Variants in NCAPH observed in about 807,000 individuals in gnomAD.
NCAPH encodes the protein condensin complex subunit 2.
In NCAPH, 38 loss-of-function variants were observed where a neutral mutation model predicts 85.5. That is an observed-to-expected ratio of 0.44 (90% CI 0.34 to 0.58). The LOEUF (loss-of-function observed/expected upper bound fraction) is 0.58, where lower values mean the gene tolerates loss of function less well. NCAPH is among the 20% of genes least tolerant of loss of function. The pLI, the probability that NCAPH is intolerant of heterozygous loss-of-function variation, is 0.01. For missense variants in NCAPH, 789 were observed against 916.6 expected (o/e 0.86, Z 1.80); for synonymous variants, 301 against 335.1 (o/e 0.90, Z 1.11).
rs1213775951 is a variant in NCAPH, at chr2:96,374,971, GGAA to G, written c.*1623_*1625del. On this transcript the variant is annotated 3_prime_UTR_variant, in exon 18 of 18. Transcript: ENST00000240423. ...ACCTGTAAATCCTAGCGCTTTGAAA[GGAA>G]GAGGCAGGAGGATTGCTTGAAGTCA... is the stretch of plus-strand genomic sequence containing the variant. Among the ~76,000 whole-genome samples, 9 of 152,270 alleles carry G rather than the reference GGAA, an allele frequency of 5.9e-5. No individual in the cohort carries two copies. In the East Asian group the frequency reaches 1.7e-3, roughly 29 times the overall value.
At chr2:96,348,831 G>A (rs1336250722) in intron 6 of NCAPH, among the ~76,000 whole-genome samples, 2 of 151,874 alleles carry the variant, frequency 1.3e-5, no homozygotes, top group Non-Finnish European at 2.9e-5. Flanking sequence ...TGTATTTTTA[G>A]TAGAGATGGG....
intron 6 of NCAPH, among the ~76,000 whole-genome samples, chr2:96,350,597 A>G (rs560073967): frequency 1.3e-5 from 2 of 152,260 alleles, no homozygotes; most frequent in South Asian, 4.1e-4. Flanking sequence ...GAGGAAACCG[A>G]CTTGGACGTG....
rs1384712648 is a variant in NCAPH at position 96,364,585 on chromosome 2, A to T, written c.1692A>T (p.Gly564=). The change falls in exon 13 of 18, where the codon GGA becomes GGT. Residue 564 remains glycine (G), a synonymous_variant. Transcript: ENST00000240423. The stretch of plus-strand genomic sequence containing the variant: ...ACGACACCTCCAACTTTTGCCCTGG[A>T]TTACAGGTAAAGGGGGGAAAGGGGC... ...NPNDTSNFCP[G]LQAADSDDED... The T allele has an allele frequency of 6.2e-7, 1 of 1,605,460 alleles. No homozygotes were observed. Among genetic ancestry groups the T allele is most frequent in the Non-Finnish European group, 8.5e-7 (1 of 1,172,180 alleles).
intron 8 of NCAPH, 57 bp from the exon 9 acceptor site, chr2:96,354,126 G>A (rs1304752119): frequency 6.6e-7 from 1 of 1,522,096 alleles, no homozygotes; most frequent in East Asian, 2.3e-5. Context: ...TCCCTCCAGT[G>A]GTGATTTGGG....
chr2:96,368,865 T>C, intron 15 of NCAPH, 107 bp from the exon 16 acceptor site: 1 of 946,884 alleles, frequency 1.1e-6, no homozygotes. Context: ...GAAATTTGTT[T>C]TCATTTTGTT....
At chr2:96,342,264 C>T (rs879667871) in intron 3 of NCAPH, 124 bp downstream of exon 3, 8 of 957,446 alleles carry the variant, frequency 8.4e-6, no homozygotes, top group African/African-American at 4.9e-5. Context: ...CATCTTAGTG[C>T]TGGTGGTTTT....
intron 15 of NCAPH, 119 bp from the exon 16 acceptor site, chr2:96,368,853 A>G: frequency 1.2e-6 from 1 of 832,310 alleles, no homozygotes; most frequent in Non-Finnish European, 1.8e-6. Flanking sequence ...CAAAATAACT[A>G]AGAAATTTGT....
At chr2:96,340,397 T>C (rs1314457837) in intron 1 of NCAPH, among the ~76,000 whole-genome samples, 2 of 148,772 alleles carry the variant, frequency 1.3e-5, no homozygotes, top group Non-Finnish European at 3.0e-5. Flanking sequence ...TTTTTTTTTT[T>C]TTTTTTTTTT....
At chr2:96,351,788 C>A in intron 6 of NCAPH, 43 bp from the exon 7 acceptor site, 1 of 1,512,348 alleles carries the variant, frequency 6.6e-7, no homozygotes, top group South Asian at 1.3e-5. Flanking sequence ...TTTCCCTTGG[C>A]TACATGCCGT....
chr2:96,344,140 G>A lies in NCAPH; in HGVS notation c.631G>A (p.Ala211Thr). Residue 211 changes from alanine to threonine, a missense_variant, in exon 6 of 18, where the codon GCT becomes ACT. Ala to Thr is a moderately conservative substitution (Grantham distance 58, BLOSUM62 0). Transcript: ENST00000240423. ...SATEMGTTKK[A>T]VKPKKKHLHR... The stretch of plus-strand genomic sequence containing the variant: ...TACTGAAATGGGAACAACCAAAAAG[G>A]CTGTAAAGCCAAAGAAGAAGCACTT... The A allele has an allele frequency of 6.2e-7, 1 of 1,613,560 alleles. No homozygotes were observed. The highest frequency in any genetic ancestry group is 2.2e-5 in the East Asian group (1 of 44,848).
At chr2:96,369,853 A>G (rs946174662) in intron 17 of NCAPH, among the ~76,000 whole-genome samples, 1 of 152,234 alleles carries the variant, frequency 6.6e-6, no homozygotes, top group African/African-American at 2.4e-5. Context: ...CATATGGGAG[A>G]CATGGCAGAG....
chr2:96,373,063 CAG>C (rs2064794699), intron 17 of NCAPH, among the ~76,000 whole-genome samples: 1 of 152,092 alleles, frequency 6.6e-6, no homozygotes, highest in Non-Finnish European at 1.5e-5. Flanking sequence ...TTGCAGGAAT[CAG>C]AGCCAGAGAA....
intron 1 of NCAPH, among the ~76,000 whole-genome samples, chr2:96,340,009 G>A (rs1009941465): frequency 6.6e-6 from 1 of 152,016 alleles, no homozygotes; most frequent in Non-Finnish European, 1.5e-5. Context: ...TACAGCCTCC[G>A]TCTCCCGGGT....
At chr2:96,341,270 T>A (rs2064291009) in intron 1 of NCAPH, 1 of 187,438 alleles carries the variant, frequency 5.3e-6, no homozygotes, top group Non-Finnish European at 1.1e-5. Context: ...TACCTCACCC[T>A]TGTCTCAGCA....
chr2:96,357,052 T>G (rs2064534238), intron 9 of NCAPH, among the ~76,000 whole-genome samples: 4 of 152,204 alleles, frequency 2.6e-5, no homozygotes, highest in Admixed American at 2.6e-4. Flanking sequence ...CCTTCTGTAG[T>G]ACCAGCATGC....
At position 96,374,595 on chromosome 2, in the gene NCAPH, C is replaced by T. The variant is rs1219664105; in HGVS notation, c.*1244C>T. ...AATAACTTCCTTCTTAGCCAAAAACCACACAAAACAAAAATAATCCCCTCC... is the reference window on the plus strand; with the variant it reads ...AATAACTTCCTTCTTAGCCAAAAACTACACAAAACAAAAATAATCCCCTCC... On this transcript the variant is annotated 3_prime_UTR_variant, in exon 18 of 18. Coordinates refer to ENST00000240423, the MANE Select transcript of NCAPH (RefSeq NM_015341.5). Among the ~76,000 whole-genome samples the T allele has an allele frequency of 6.6e-6, 1 of 152,094 alleles. No individual in the cohort carries two copies. The highest frequency in any genetic ancestry group is 2.4e-5 in the African/African-American group (1 of 41,398).
At chr2:96,355,715 C>T (rs1048374450) in intron 9 of NCAPH, among the ~76,000 whole-genome samples, 5 of 151,158 alleles carry the variant, frequency 3.3e-5, no homozygotes, top group African/African-American at 1.2e-4. Context: ...GATCTCTGCT[C>T]ACTGCAAGCT....
At chr2:96,336,361 A>G (rs1030604016) in intron 1 of NCAPH, among the ~76,000 whole-genome samples, 15 of 152,220 alleles carry the variant, frequency 9.9e-5, no homozygotes, top group African/African-American at 3.6e-4. Flanking sequence ...AGTAAACAAA[A>G]GAAATAATTA....
Position 96,338,794 on chromosome 2 carries a change from G to A in NCAPH, c.20-2848G>A, listed in dbSNP as rs1222774406. Among the ~76,000 whole-genome samples the A allele has an allele frequency of 7.9e-5, 12 of 152,272 alleles. No homozygotes were observed. The South Asian group carries it at 1.2e-3, about 16-fold the overall frequency. On this transcript the variant is annotated intron_variant, in intron 1 of 17. Coordinates refer to ENST00000240423, the MANE Select transcript of NCAPH (RefSeq NM_015341.5). ...CACAGCTGCAAGAGAACACATAAACGTGTGGGGGTTTTTTTGTTTTTGTTT... is the reference window on the plus strand; with the variant it reads ...CACAGCTGCAAGAGAACACATAAACATGTGGGGGTTTTTTTGTTTTTGTTT...
Sources: gnomAD v4.1 joint callset for allele counts (sites outside exome capture counted in the v4.1 genomes callset) on GRCh38, gnomAD v4.1.1 for gene constraint, MANE v1.5 for transcripts, NCBI Gene and HGNC (gene_info 2026-07-23, HGNC 2026-07-21) for gene names.